HPSE2: variants seen among roughly 807,000 people sequenced by gnomAD.
HPSE2 encodes the protein heparanase 2 (inactive).
Under a neutral mutation model 60.5 loss-of-function variants are expected in HPSE2, and 38 were observed. The observed-to-expected ratio is 0.63, with a 90% CI of 0.48 to 0.82. The LOEUF (loss-of-function observed/expected upper bound fraction) is 0.82. HPSE2 is among the 40% of genes least tolerant of loss of function. HPSE2 has a pLI of 0.00. For synonymous variants in HPSE2, 295 were observed against 293.2 expected (o/e 1.01, Z -0.06); for missense variants, 713 against 740.4 (o/e 0.96, Z 0.43).
chr10:98,514,687 C>A (rs543212339), intron 9 of HPSE2, among the ~76,000 whole-genome samples: 9 of 136,596 alleles, frequency 6.6e-5, no homozygotes, highest in African/African-American at 1.4e-4. Context: ...TTCAGGAAAT[C>A]ATTTGGCTGT....
the HPSE2 span, among the ~76,000 whole-genome samples, chr10:99,254,083 AATCATTC>A: frequency 6.6e-6 from 1 of 152,228 alleles, no homozygotes; most frequent in Non-Finnish European, 1.5e-5. Context: ...AGAGAAAACA[AATCATTC>A]TACCAAAAAG....
At chr10:99,258,896 A>G in the HPSE2 span, among the ~76,000 whole-genome samples, 1 of 152,202 alleles carries the variant, frequency 6.6e-6, no homozygotes, top group Non-Finnish European at 1.5e-5. Flanking sequence ...TATAAACCTA[A>G]AACTATAGAG....
the HPSE2 span, among the ~76,000 whole-genome samples, chr10:99,308,846 G>A: frequency 6.6e-6 from 1 of 152,142 alleles, no homozygotes; most frequent in African/African-American, 2.4e-5. Flanking sequence ...TTCATTTGAT[G>A]AATCTAATTT....
chr10:99,084,625 C>T (rs577445342), intron 3 of HPSE2, among the ~76,000 whole-genome samples: 24 of 152,222 alleles, frequency 1.6e-4, no homozygotes, highest in Non-Finnish European at 3.2e-4. Context: ...AATTGATTTG[C>T]ATGAGGCCAT....
chr10:99,093,751 G>C (rs758098239), intron 3 of HPSE2, among the ~76,000 whole-genome samples: 28 of 152,106 alleles, frequency 1.8e-4, no homozygotes, highest in Non-Finnish European at 3.7e-4. Context: ...TTGTTGCATC[G>C]GGATTAAGTT....
intron 9 of HPSE2, among the ~76,000 whole-genome samples, chr10:98,569,326 G>A (rs935887698): frequency 6.6e-6 from 1 of 152,108 alleles, no homozygotes; most frequent in African/African-American, 2.4e-5. Flanking sequence ...CCCCCAAAGT[G>A]CTGGGATTAC....
At chr10:98,995,462 T>G (rs1005169966) in intron 3 of HPSE2, among the ~76,000 whole-genome samples, 1 of 152,212 alleles carries the variant, frequency 6.6e-6, no homozygotes, top group Non-Finnish European at 1.5e-5. Context: ...CCTTCAGGTT[T>G]GTTTTTTCAG....
the HPSE2 span, among the ~76,000 whole-genome samples, chr10:99,305,973 G>A: frequency 0.29 from 12,547 of 43,038 alleles, 738 homozygotes; most frequent in South Asian, 0.42. Flanking sequence ...GCGCGCGCGC[G>A]CGCGCGCACA....
chr10:98,873,777 G>C (rs868372897), intron 3 of HPSE2, among the ~76,000 whole-genome samples: 16 of 152,108 alleles, frequency 1.1e-4, no homozygotes, highest in African/African-American at 3.9e-4. Flanking sequence ...CTAGATCTTT[G>C]AGGAATCACC....
intron 5 of HPSE2, among the ~76,000 whole-genome samples, chr10:98,698,046 C>T (rs1589660094): frequency 2.0e-5 from 3 of 147,254 alleles, no homozygotes; most frequent in African/African-American, 5.0e-5. Context: ...TAATGGGAGA[C>T]TTTAACACCC....
chr10:98,605,992 A>T (rs1025476644), intron 9 of HPSE2, among the ~76,000 whole-genome samples: 1 of 152,150 alleles, frequency 6.6e-6, no homozygotes, highest in Non-Finnish European at 1.5e-5. Flanking sequence ...TCCCCTCCTC[A>T]TTATTCAACT....
At chr10:98,919,055 T>C (rs1051380276) in intron 3 of HPSE2, among the ~76,000 whole-genome samples, 2 of 151,950 alleles carry the variant, frequency 1.3e-5, no homozygotes, top group South Asian at 2.1e-4. Context: ...ATATAAAACA[T>C]AGAGCCTGCA....
chr10:98,758,006 A>G (rs1156855034), intron 3 of HPSE2, among the ~76,000 whole-genome samples: 1 of 152,128 alleles, frequency 6.6e-6, no homozygotes, highest in Non-Finnish European at 1.5e-5. Flanking sequence ...AGGCCAATGG[A>G]ATGGTTACAA....
chr10:98,765,456 G>T (rs915775214), intron 3 of HPSE2, among the ~76,000 whole-genome samples: 8 of 152,208 alleles, frequency 5.3e-5, no homozygotes, highest in Admixed American at 3.3e-4. Context: ...ATATTCAATG[G>T]AATAAAAATG....
At chr10:98,850,597 C>T (rs367956936) in intron 3 of HPSE2, among the ~76,000 whole-genome samples, 21 of 151,986 alleles carry the variant, frequency 1.4e-4, no homozygotes, top group African/African-American at 4.3e-4. Context: ...ATTAGCCAGG[C>T]GTGGTGGCAG....
chr10:98,867,176 A>C (rs556461131), intron 3 of HPSE2, among the ~76,000 whole-genome samples: 34 of 152,280 alleles, frequency 2.2e-4, no homozygotes, highest in African/African-American at 8.2e-4. Context: ...TGGGGAGACC[A>C]AAGCACTTCA....
At chr10:98,477,880 T>G (rs992475242) in intron 11 of HPSE2, among the ~76,000 whole-genome samples, 1 of 150,684 alleles carries the variant, frequency 6.6e-6, no homozygotes, top group South Asian at 2.1e-4. Context: ...CAGATTCTCA[T>G]AGAAGTGTGA....
chr10:98,493,209 T>G (rs1941716085), intron 9 of HPSE2, among the ~76,000 whole-genome samples: 1 of 152,226 alleles, frequency 6.6e-6, no homozygotes, highest in Non-Finnish European at 1.5e-5. Context: ...TTGAACTTAA[T>G]TTGCAGCCTA....
At chr10:98,973,851 GA>G (rs913832596) in intron 3 of HPSE2, among the ~76,000 whole-genome samples, 4 of 143,988 alleles carry the variant, frequency 2.8e-5, no homozygotes, top group Non-Finnish European at 4.6e-5. Flanking sequence ...GAGTAAAAAG[GA>G]AAAAAAGGGG....
Sources: allele counts gnomAD v4.1 joint callset (sites outside exome capture counted in the v4.1 genomes callset), GRCh38; gene constraint gnomAD v4.1.1; transcripts MANE v1.5; gene names NCBI Gene and HGNC (gene_info 2026-07-23, HGNC 2026-07-21).